SRRM4: variants seen among roughly 807,000 people sequenced by gnomAD.
SRRM4 encodes the protein serine/arginine repetitive matrix protein 4.
SRRM4 carries 33 observed loss-of-function variants against 68.9 expected under a neutral mutation model. The ratio of observed to expected loss-of-function variants is 0.48; its 90% CI spans 0.36 to 0.64. The LOEUF (loss-of-function observed/expected upper bound fraction) is 0.64. Ranked by LOEUF, SRRM4 falls within the 30% of genes least tolerant of loss-of-function variation. SRRM4 has a pLI of 0.00. For synonymous variants in SRRM4, 318 were observed against 318.8 expected (o/e 1.00, Z 0.03); for missense variants, 817 against 827.1 (o/e 0.99, Z 0.15).
intron 8 of SRRM4, among the ~76,000 whole-genome samples, chr12:119,138,762 A>G (rs114760543): frequency 0.012 from 1,754 of 152,324 alleles, 42 homozygotes; most frequent in African/African-American, 0.04. Flanking sequence ...CTCGACTTCT[A>G]AGAATCCAGA....
intron 9 of SRRM4, among the ~76,000 whole-genome samples, chr12:119,147,919 TTC>T (rs1954414278): frequency 6.6e-6 from 1 of 152,214 alleles, no homozygotes; most frequent in Non-Finnish European, 1.5e-5. Context: ...GTACCATTCA[TTC>T]TGTTGTTTAT....
At chr12:119,030,317 G>A (rs940858214) in intron 1 of SRRM4, among the ~76,000 whole-genome samples, 17 of 152,134 alleles carry the variant, frequency 1.1e-4, no homozygotes, top group African/African-American at 1.9e-4. Flanking sequence ...GAAGTAATCC[G>A]GTAGAGCTGT....
chr12:119,126,160 A>G (rs1262115067), intron 7 of SRRM4, among the ~76,000 whole-genome samples: 1 of 150,538 alleles, frequency 6.6e-6, no homozygotes, highest in Non-Finnish European at 1.5e-5. Flanking sequence ...AGTAGCTGGG[A>G]CTACAGGCGC....
chr12:119,078,989 G>A (rs574407188), intron 1 of SRRM4, among the ~76,000 whole-genome samples: 80 of 152,270 alleles, frequency 5.3e-4, no homozygotes, highest in African/African-American at 1.9e-3. Context: ...CGCACTCTGG[G>A]CTGGACGCTG....
At chr12:119,010,510 C>A (rs1293260805) in intron 1 of SRRM4, among the ~76,000 whole-genome samples, 1 of 152,166 alleles carries the variant, frequency 6.6e-6, no homozygotes, top group Non-Finnish European at 1.5e-5. Context: ...CATTTTGTAC[C>A]CTCCAGATCG....
At chr12:119,043,244 A>T (rs1036533148) in intron 1 of SRRM4, among the ~76,000 whole-genome samples, 1 of 152,172 alleles carries the variant, frequency 6.6e-6, no homozygotes, top group Non-Finnish European at 1.5e-5. Context: ...TTGCAGGGCC[A>T]TGGATGGAGC....
chr12:119,112,694 A>G (rs897293441), intron 2 of SRRM4, among the ~76,000 whole-genome samples: 1 of 152,212 alleles, frequency 6.6e-6, no homozygotes, highest in Non-Finnish European at 1.5e-5. Context: ...CTGCAAACCA[A>G]TGCAAGAACA....
intron 1 of SRRM4, among the ~76,000 whole-genome samples, chr12:119,040,249 A>G (rs1446715033): frequency 6.6e-6 from 1 of 152,008 alleles, no homozygotes; most frequent in East Asian, 1.9e-4. Context: ...ATTTGGTTAC[A>G]TGAGTAAGTT....
intron 1 of SRRM4, among the ~76,000 whole-genome samples, chr12:118,995,529 C>G (rs1241078233): frequency 2.0e-5 from 3 of 152,210 alleles, no homozygotes; most frequent in Non-Finnish European, 4.4e-5. Flanking sequence ...ATCTGTCCAC[C>G]TGCACTGCCC....
At chr12:119,081,369 A>G (rs779178263) in intron 1 of SRRM4, among the ~76,000 whole-genome samples, 10 of 152,132 alleles carry the variant, frequency 6.6e-5, no homozygotes, top group Non-Finnish European at 8.8e-5. Flanking sequence ...GAAAGTAAGG[A>G]AGTTGTAGCT....
At chr12:118,997,866 TG>T (rs1288534041) in intron 1 of SRRM4, among the ~76,000 whole-genome samples, 1 of 152,038 alleles carries the variant, frequency 6.6e-6, no homozygotes, top group East Asian at 1.9e-4. Flanking sequence ...GGGGACACTA[TG>T]TGCCTTCTTC....
chr12:119,086,235 C>T (rs1393352785), intron 1 of SRRM4, among the ~76,000 whole-genome samples: 2 of 152,116 alleles, frequency 1.3e-5, no homozygotes, highest in Non-Finnish European at 2.9e-5. Context: ...ACCCTATATA[C>T]TTATTTGGAT....
intron 1 of SRRM4, among the ~76,000 whole-genome samples, chr12:119,057,437 C>T (rs1196585165): frequency 6.6e-6 from 1 of 152,210 alleles, no homozygotes; most frequent in Non-Finnish European, 1.5e-5. Context: ...GAAGTGAGAA[C>T]ATGCGGTGTT....
chr12:119,106,482 C>T (rs550111857), intron 2 of SRRM4, among the ~76,000 whole-genome samples: 4 of 152,172 alleles, frequency 2.6e-5, no homozygotes, highest in East Asian at 1.9e-4. Context: ...TCTTTTATTT[C>T]ATTGAGCAGT....
At chr12:119,089,175 C>T (rs1010381990) in intron 1 of SRRM4, among the ~76,000 whole-genome samples, 2 of 152,108 alleles carry the variant, frequency 1.3e-5, no homozygotes, top group African/African-American at 2.4e-5. Context: ...CCCATGTGGT[C>T]GGGAGGGTGC....
intron 1 of SRRM4, among the ~76,000 whole-genome samples, chr12:119,043,864 C>T (rs538181741): frequency 5.2e-4 from 79 of 150,990 alleles, no homozygotes; most frequent in African/African-American, 1.7e-3. Context: ...AATCCCTGGA[C>T]TTTTGTTTTT....
chr12:119,155,801 T>G (rs1364866167), intron 12 of SRRM4, among the ~76,000 whole-genome samples: 1 of 152,230 alleles, frequency 6.6e-6, no homozygotes, highest in Non-Finnish European at 1.5e-5. Context: ...ACCCACTCCC[T>G]TGATCCAGTG....
intron 1 of SRRM4, among the ~76,000 whole-genome samples, chr12:119,005,617 C>T (rs1033112653): frequency 2.6e-5 from 4 of 152,192 alleles, no homozygotes; most frequent in African/African-American, 9.6e-5. Flanking sequence ...GCTTCAGTCT[C>T]CTTCTTCTGT....
At chr12:119,112,312 G>C (rs115651137) in intron 2 of SRRM4, among the ~76,000 whole-genome samples, 1 of 152,098 alleles carries the variant, frequency 6.6e-6, no homozygotes, top group Non-Finnish European at 1.5e-5. Flanking sequence ...AGATGCTGGT[G>C]AGGTTGTACA....
Sources: allele counts gnomAD v4.1 joint callset (sites outside exome capture counted in the v4.1 genomes callset), GRCh38; gene constraint gnomAD v4.1.1; transcripts MANE v1.5; gene names NCBI Gene and HGNC (gene_info 2026-07-23, HGNC 2026-07-21).